The following ZDHHC14 variants were observed in gnomAD, a reference collection of about 807,000 sequenced individuals.
ZDHHC14 encodes the protein zDHHC palmitoyltransferase 14, also known as palmitoyltransferase ZDHHC14.
Under a neutral mutation model 47.7 loss-of-function variants are expected in ZDHHC14, and 16 were observed. The ratio of observed to expected loss-of-function variants is 0.34; its 90% CI spans 0.23 to 0.51. The LOEUF (loss-of-function observed/expected upper bound fraction) is 0.51. Among genes scored for constraint, ZDHHC14 ranks in the 20% least tolerant of loss-of-function variants. The pLI is 0.97. For missense variants in ZDHHC14, 515 were observed against 662.5 expected, an observed-to-expected ratio of 0.78 and a Z score of 2.44; for synonymous variants, 293 against 278.9, an observed-to-expected ratio of 1.05 and a Z score of -0.50.
intron 1 of ZDHHC14, among the ~76,000 whole-genome samples, chr6:157,530,955 A>C (rs1781341301): frequency 6.6e-6 from 1 of 152,200 alleles, no homozygotes; most frequent in Non-Finnish European, 1.5e-5. Context: ...AGCAAAATTT[A>C]CTTAGAAATT....
At chr6:157,569,264 A>AT (rs1284525051) in intron 2 of ZDHHC14, among the ~76,000 whole-genome samples, 1 of 151,984 alleles carries the variant, frequency 6.6e-6, no homozygotes, top group Non-Finnish European at 1.5e-5. Context: ...ACATATTATA[A>AT]TTTTTTACAT....
rs376178835 is a variant in ZDHHC14 at position 157,430,122 on chromosome 6, C to T, written c.245+47856C>T. 5.9e-5 allele frequency among the ~76,000 whole-genome samples: 9 copies of T among 152,180 alleles called. 1 individual carries two copies. Among genetic ancestry groups the T allele is most frequent in the African/African-American group, 1.9e-4 (8 of 41,520 alleles). Reference sequence around the variant, plus strand: ...ACGAGGTCAAGAGATTGAGACCATCCTGGCCAACATGGTGAAACCCCGTCT... The same window carrying T: ...ACGAGGTCAAGAGATTGAGACCATCTTGGCCAACATGGTGAAACCCCGTCT... On this transcript the variant is annotated intron_variant, in intron 1 of 8. Coordinates refer to ENST00000359775, the MANE Select transcript of ZDHHC14 (RefSeq NM_024630.3).
In ZDHHC14 at chr6:157,672,719, T is replaced by G; in HGVS notation, c.1069-5T>G. Reference sequence around the variant, plus strand: ...TTCTCTTTGCTGGCGCCTCCCGCTCTCCAGTGCGACCAAGACCAGTGCATT... The same window carrying G: ...TTCTCTTTGCTGGCGCCTCCCGCTCGCCAGTGCGACCAAGACCAGTGCATT... On this transcript the variant is annotated splice_region_variant and splice_polypyrimidine_tract_variant and intron_variant, in intron 8 of 8. Coordinates refer to ENST00000359775, the MANE Select transcript of ZDHHC14 (RefSeq NM_024630.3). 1 of 1,402,664 alleles carries G rather than the reference T, an allele frequency of 7.1e-7. No homozygotes were observed. Among genetic ancestry groups the G allele is most frequent in the South Asian group, 1.1e-5 (1 of 88,112 alleles). The allele number at this position is 1,402,664 out of a possible 1,614,324, so 86.9% of individuals were successfully genotyped here.
chr6:157,391,974 C>T (rs973826000), intron 1 of ZDHHC14, among the ~76,000 whole-genome samples: 1 of 152,162 alleles, frequency 6.6e-6, no homozygotes, highest in African/African-American at 2.4e-5. Context: ...TTATTCGTCT[C>T]TTTTTAATCT....
chr6:157,651,712 G>A (rs1583075796), intron 7 of ZDHHC14, among the ~76,000 whole-genome samples: 1 of 152,168 alleles, frequency 6.6e-6, no homozygotes, highest in East Asian at 1.9e-4. Flanking sequence ...GGGGTTACAG[G>A]CATGTGCCAT....
chr6:157,506,889 C>T (rs1341690056), intron 1 of ZDHHC14, among the ~76,000 whole-genome samples: 2 of 147,764 alleles, frequency 1.4e-5, no homozygotes, highest in Non-Finnish European at 3.0e-5. Context: ...TAAGTGGCAC[C>T]TAGGAAAGTA....
intron 1 of ZDHHC14, among the ~76,000 whole-genome samples, chr6:157,383,637 A>G (rs1209481832): frequency 2.0e-5 from 3 of 152,194 alleles, no homozygotes; most frequent in Non-Finnish European, 4.4e-5. Context: ...AGGCGATGAG[A>G]AGGATCTCTG....
At chr6:157,601,683 C>G (rs1784341123) in intron 3 of ZDHHC14, among the ~76,000 whole-genome samples, 1 of 152,126 alleles carries the variant, frequency 6.6e-6, no homozygotes, top group Non-Finnish European at 1.5e-5. Context: ...TAGAACGATG[C>G]AAGGAAACAT....
intron 1 of ZDHHC14, among the ~76,000 whole-genome samples, chr6:157,531,899 T>C (rs187354239): frequency 4.6e-5 from 7 of 152,390 alleles, no homozygotes; most frequent in Non-Finnish European, 1.0e-4. Flanking sequence ...ATCTGGACTT[T>C]GTGCAGTGTG....
chr6:157,607,954 T>G (rs1784605202), intron 3 of ZDHHC14, among the ~76,000 whole-genome samples: 1 of 152,236 alleles, frequency 6.6e-6, no homozygotes, highest in Non-Finnish European at 1.5e-5. Flanking sequence ...TCTTCTTGGC[T>G]CTCACAAGTT....
At chr6:157,630,790 C>T (rs937636177) in intron 4 of ZDHHC14, 4 of 151,654 alleles carry the variant, frequency 2.6e-5, no homozygotes, top group African/African-American at 7.3e-5. Context: ...CACACATACC[C>T]TTACACAGCC....
intron 4 of ZDHHC14, 94 bp downstream of exon 4, chr6:157,628,580 G>A: frequency 6.7e-7 from 1 of 1,502,062 alleles, no homozygotes; most frequent in Non-Finnish European, 9.0e-7. Flanking sequence ...GGTCATTTCG[G>A]GCTTTCTCTT....
At chr6:157,445,451 A>G (rs1306837104) in intron 1 of ZDHHC14, among the ~76,000 whole-genome samples, 1 of 152,148 alleles carries the variant, frequency 6.6e-6, no homozygotes, top group Admixed American at 6.5e-5. Flanking sequence ...TCATGCAGTT[A>G]GTTGTCTGTC....
chr6:157,562,739 G>A (rs1035647433), intron 2 of ZDHHC14, among the ~76,000 whole-genome samples: 2 of 152,208 alleles, frequency 1.3e-5, no homozygotes, highest in Admixed American at 6.5e-5. Context: ...GAGAGTCACT[G>A]ACTTAAAATA....
intron 2 of ZDHHC14, among the ~76,000 whole-genome samples, chr6:157,573,212 C>T (rs1783167542): frequency 6.6e-6 from 1 of 152,182 alleles, no homozygotes; most frequent in African/African-American, 2.4e-5. Flanking sequence ...CTCTTGCCAG[C>T]TGTTGAGGAG....
intron 1 of ZDHHC14, among the ~76,000 whole-genome samples, chr6:157,423,084 C>G (rs1029981054): frequency 6.6e-6 from 1 of 152,240 alleles, no homozygotes; most frequent in Non-Finnish European, 1.5e-5. Context: ...CACAAACCTT[C>G]CCTCAAGGCA....
At chr6:157,628,772 A>G (rs901874932) in intron 4 of ZDHHC14, among the ~76,000 whole-genome samples, 13 of 152,012 alleles carry the variant, frequency 8.6e-5, no homozygotes, top group African/African-American at 3.1e-4. Flanking sequence ...CCTCCTTGAT[A>G]CGCACATCCC....
intron 3 of ZDHHC14, among the ~76,000 whole-genome samples, chr6:157,615,120 C>T (rs1214333961): frequency 6.6e-6 from 1 of 152,170 alleles, no homozygotes; most frequent in Admixed American, 6.5e-5. Flanking sequence ...TTGCCACGGG[C>T]CCCCGACATT....
intron 1 of ZDHHC14, among the ~76,000 whole-genome samples, chr6:157,412,991 G>A (rs1024143207): frequency 2.0e-5 from 3 of 152,180 alleles, no homozygotes; most frequent in African/African-American, 7.2e-5. Context: ...TGGCATCAGC[G>A]CCAAAGTGAA....
Sources: gnomAD v4.1 joint callset for allele counts (sites outside exome capture counted in the v4.1 genomes callset) on GRCh38, gnomAD v4.1.1 for gene constraint, MANE v1.5 for transcripts, NCBI Gene and HGNC (gene_info 2026-07-23, HGNC 2026-07-21) for gene names.